The following SIAH3 variants were observed in gnomAD, a reference collection of about 807,000 sequenced individuals.
SIAH3 encodes siah E3 ubiquitin protein ligase family member 3.
Under a neutral mutation model 12.6 loss-of-function variants are expected in SIAH3, and 9 were observed. That is an observed-to-expected ratio of 0.72 (90% CI 0.43 to 1.25). SIAH3 has a LOEUF of 1.25. SIAH3 is among the 50% of genes most tolerant of loss of function. The pLI is 0.00. For missense variants in SIAH3, 390 were observed against 365.4 expected, an observed-to-expected ratio of 1.07 and a Z score of -0.55; for synonymous variants, 154 against 151.1, an observed-to-expected ratio of 1.02 and a Z score of -0.14.
intron 1 of SIAH3, among the ~76,000 whole-genome samples, chr13:45,843,034 C>CTCTGTGTGTGTGTGTGTGTGTGTGTG (rs560128772): frequency 1.6e-4 from 22 of 139,284 alleles, no homozygotes; most frequent in African/African-American, 5.6e-4. Flanking sequence ...CTCTCTCTCT[C>CTCTGTGTGTGTGTGTGTGTGTGTGTG]TGTGTGTGTG....
At chr13:45,807,276 C>T (rs1242882862) in intron 1 of SIAH3, among the ~76,000 whole-genome samples, 1 of 122,906 alleles carries the variant, frequency 8.1e-6, no homozygotes, top group Non-Finnish European at 1.8e-5. Flanking sequence ...CACCAGAATA[C>T]TAAAAAAAAA....
At chr13:45,834,683 G>A (rs944977405) in intron 1 of SIAH3, among the ~76,000 whole-genome samples, 9 of 152,224 alleles carry the variant, frequency 5.9e-5, no homozygotes, top group Middle Eastern at 3.4e-3. Context: ...AGTCAAGCCC[G>A]CAAACCGACC....
chr13:45,811,248 C>T (rs1218128234), intron 1 of SIAH3, among the ~76,000 whole-genome samples: 4 of 152,174 alleles, frequency 2.6e-5, no homozygotes, highest in African/African-American at 9.7e-5. Context: ...AATGATTCTT[C>T]TCCTTTGAGC....
chr13:45,785,424 G>A (rs1225774678), intron 1 of SIAH3, among the ~76,000 whole-genome samples: 3 of 150,828 alleles, frequency 2.0e-5, no homozygotes, highest in Non-Finnish European at 3.0e-5. Flanking sequence ...AGGGGTGAAG[G>A]TCACCAGCCA....
chr13:45,786,352 G>C (rs529501578), intron 1 of SIAH3, among the ~76,000 whole-genome samples: 1 of 152,312 alleles, frequency 6.6e-6, no homozygotes, highest in South Asian at 2.1e-4. Flanking sequence ...ACAATCAGGA[G>C]AGAAACATTT....
intron 1 of SIAH3, among the ~76,000 whole-genome samples, chr13:45,810,705 G>T (rs1404690687): frequency 6.6e-6 from 1 of 152,162 alleles, no homozygotes; most frequent in East Asian, 1.9e-4. Flanking sequence ...TTAATTTGAA[G>T]AAATTCTACT....
At chr13:45,847,331 A>G (rs1950763720) in intron 1 of SIAH3, among the ~76,000 whole-genome samples, 1 of 152,194 alleles carries the variant, frequency 6.6e-6, no homozygotes, top group Non-Finnish European at 1.5e-5. Flanking sequence ...TATGAAACAG[A>G]GTTAGCAAAC....
chr13:45,801,098 G>GT (rs1555257356), intron 1 of SIAH3, among the ~76,000 whole-genome samples: 2 of 122,884 alleles, frequency 1.6e-5, no homozygotes, highest in African/African-American at 6.0e-5. Context: ...TGGGTGGCGG[G>GT]GGGGGGCATG....
chr13:45,788,086 T>C (rs1432580146), intron 1 of SIAH3, among the ~76,000 whole-genome samples: 1 of 152,238 alleles, frequency 6.6e-6, no homozygotes, highest in African/African-American at 2.4e-5. Flanking sequence ...GATACACTCA[T>C]TGAGACCTGT....
rs1036248966 is a variant in SIAH3 at position 45,783,317 on chromosome 13, C to A, written c.*66G>T. The A allele has an allele frequency of 8.3e-6, 11 of 1,324,024 alleles. No individual in the cohort carries two copies. Among genetic ancestry groups the A allele is most frequent in the Non-Finnish European group, 1.1e-5 (11 of 964,052 alleles). The allele number at this position is 1,324,024 out of a possible 1,614,324, so 82.0% of individuals were successfully genotyped here. A position where few individuals can be genotyped will look rare whatever the true frequency, so the allele number is the denominator to read the frequency against. ...GAAGAATAAAAAGGAGTCTGGAGTC[C>A]TGGTATTGGGAGGTCCCAGGCGTTT... On this transcript the variant is annotated 3_prime_UTR_variant, in exon 2 of 2. Transcript: ENST00000400405.
At chr13:45,814,998 C>T (rs1427573227) in intron 1 of SIAH3, among the ~76,000 whole-genome samples, 4 of 152,030 alleles carry the variant, frequency 2.6e-5, no homozygotes, top group African/African-American at 9.7e-5. Flanking sequence ...GCTGGGATTA[C>T]AGGCATGAGC....
chr13:45,793,618 T>C (rs1256370957), intron 1 of SIAH3, among the ~76,000 whole-genome samples: 2 of 152,164 alleles, frequency 1.3e-5, no homozygotes, highest in African/African-American at 4.8e-5. Flanking sequence ...CCGGGAAGTA[T>C]GTGGGGAGAG....
chr13:45,787,821 G>T (rs1490112037), intron 1 of SIAH3, among the ~76,000 whole-genome samples: 2 of 152,216 alleles, frequency 1.3e-5, no homozygotes, highest in Non-Finnish European at 2.9e-5. Context: ...ACTGTGGGTA[G>T]CACAATGCCC....
chr13:45,838,723 C>T (rs7139688), intron 1 of SIAH3, among the ~76,000 whole-genome samples: 22,974 of 151,828 alleles, frequency 0.15, 2,902 homozygotes, highest in East Asian at 0.4. Context: ...TTTTCCCAGA[C>T]GTCAGTGCTG....
At chr13:45,798,415 A>C (rs1950570344) in intron 1 of SIAH3, among the ~76,000 whole-genome samples, 1 of 152,188 alleles carries the variant, frequency 6.6e-6, no homozygotes, top group African/African-American at 2.4e-5. Flanking sequence ...AGCAGATCAC[A>C]TGTGGTCCCT....
At chr13:45,844,196 TA>T (rs1431012999) in intron 1 of SIAH3, among the ~76,000 whole-genome samples, 13 of 152,168 alleles carry the variant, frequency 8.5e-5, no homozygotes, top group Admixed American at 2.6e-4. Context: ...TGACTGAATT[TA>T]AAAATACCTG....
chr13:45,783,761 C>A lies in SIAH3; in HGVS notation c.432G>T (p.Leu144=). The A allele has an allele frequency of 6.2e-7, 1 of 1,614,194 alleles. No individual in the cohort carries two copies. Among genetic ancestry groups the A allele is most frequent in the Non-Finnish European group, 8.5e-7 (1 of 1,180,026 alleles). The change falls in exon 2 of 2, where the codon CTG becomes CTT. Residue 144 remains leucine, a synonymous_variant. Coordinates refer to ENST00000400405, the MANE Select transcript of SIAH3 (RefSeq NM_198849.3). ...GCGCGGGGAGGTGCATGTCCGTGGC[C>A]AGGAAGACGATCTCGGCTCCCTGGA... ...DILQGAEIVF[L]ATDMHLPAPA...
intron 1 of SIAH3, among the ~76,000 whole-genome samples, chr13:45,813,817 A>G (rs575139598): frequency 1.2e-4 from 19 of 152,168 alleles, no homozygotes; most frequent in Admixed American, 1.1e-3. Context: ...TTAAAAGGAC[A>G]CTAATACCAT....
intron 1 of SIAH3, among the ~76,000 whole-genome samples, chr13:45,791,637 C>T (rs998195415): frequency 6.6e-6 from 1 of 152,290 alleles, no homozygotes; most frequent in Non-Finnish European, 1.5e-5. Context: ...GGTACTGACA[C>T]GTGCCCAGCT....
Sources: gnomAD v4.1 joint callset for allele counts (sites outside exome capture counted in the v4.1 genomes callset) on GRCh38, gnomAD v4.1.1 for gene constraint, MANE v1.5 for transcripts, NCBI Gene and HGNC (gene_info 2026-07-23, HGNC 2026-07-21) for gene names.